The following PIP4K2A variants were observed in gnomAD, a reference collection of about 807,000 sequenced individuals.
PIP4K2A encodes the protein phosphatidylinositol-5-phosphate 4-kinase type 2 alpha, also known as phosphatidylinositol 5-phosphate 4-kinase type-2 alpha.
A neutral mutation model predicts 42.9 loss-of-function variants in PIP4K2A; 14 were observed. The ratio of observed to expected loss-of-function variants is 0.33; its 90% confidence interval spans 0.22 to 0.51. The LOEUF (loss-of-function observed/expected upper bound fraction) is 0.51. Ranked by LOEUF, PIP4K2A falls within the 20% of genes least tolerant of loss-of-function variation. The pLI is 0.97. For synonymous variants in PIP4K2A, 192 were observed against 192.2 expected, an observed-to-expected ratio of 1.00 and a Z score of 0.01; for missense variants, 434 against 519.8, an observed-to-expected ratio of 0.83 and a Z score of 1.61.
rs144999252 is a variant in PIP4K2A at position 22,611,782 on chromosome 10, G to A, written c.145-2065C>T. Among the ~76,000 whole-genome samples the A allele has an allele frequency of 2.0e-5, 3 of 152,300 alleles. No homozygotes were observed. The East Asian group carries it at 5.8e-4, about 29-fold the overall frequency. Reference sequence around the variant, plus strand: ...AATAACAGAAAAAGAAAATCATAATGGAAATCCAAGTCTTGTGATAATAAA... The same window carrying A: ...AATAACAGAAAAAGAAAATCATAATAGAAATCCAAGTCTTGTGATAATAAA... On this transcript the variant is annotated intron_variant, in intron 1 of 9. Coordinates refer to ENST00000376573, the MANE Select transcript of PIP4K2A (RefSeq NM_005028.5).
chr10:22,668,914 C>G (rs1839399042), intron 1 of PIP4K2A, among the ~76,000 whole-genome samples: 1 of 152,120 alleles, frequency 6.6e-6, no homozygotes, highest in Non-Finnish European at 1.5e-5. Flanking sequence ...GGGGATGTTT[C>G]TTCATGTTTT....
intron 1 of PIP4K2A, among the ~76,000 whole-genome samples, chr10:22,690,016 C>T (rs1839832208): frequency 6.6e-6 from 1 of 152,106 alleles, no homozygotes; most frequent in African/African-American, 2.4e-5. Flanking sequence ...AACTGCTTGT[C>T]CAAAGACATT....
At chr10:22,596,056 T>A (rs1288652176) in intron 3 of PIP4K2A, among the ~76,000 whole-genome samples, 2 of 150,998 alleles carry the variant, frequency 1.3e-5, no homozygotes, top group East Asian at 3.9e-4. Flanking sequence ...AAATACAAAA[T>A]TATGCAGGCG....
At chr10:22,554,249 C>T (rs1292315967) in intron 6 of PIP4K2A, among the ~76,000 whole-genome samples, 4 of 152,188 alleles carry the variant, frequency 2.6e-5, no homozygotes, top group Non-Finnish European at 5.9e-5. Context: ...CAATATATCT[C>T]TCTGATAATG....
intron 1 of PIP4K2A, among the ~76,000 whole-genome samples, chr10:22,680,182 A>G (rs1174362973): frequency 6.6e-6 from 1 of 152,156 alleles, no homozygotes; most frequent in Non-Finnish European, 1.5e-5. Context: ...GGATTTTTAA[A>G]TCCACTTAAA....
chr10:22,672,529 T>C (rs1434082128), intron 1 of PIP4K2A, among the ~76,000 whole-genome samples: 2 of 152,216 alleles, frequency 1.3e-5, no homozygotes, highest in East Asian at 3.8e-4. Flanking sequence ...CTTGTGAATA[T>C]ATACAGGGAT....
chr10:22,684,059 A>T (rs1839715044), intron 1 of PIP4K2A, among the ~76,000 whole-genome samples: 1 of 152,076 alleles, frequency 6.6e-6, no homozygotes, highest in Non-Finnish European at 1.5e-5. Context: ...TTGTGTGTAG[A>T]ATGTAGTCTT....
chr10:22,572,662 A>G (rs6482225), intron 5 of PIP4K2A, among the ~76,000 whole-genome samples: 1 of 152,124 alleles, frequency 6.6e-6, no homozygotes, highest in Non-Finnish European at 1.5e-5. Flanking sequence ...GGAATTCAGG[A>G]AAGTCATAGT....
intron 1 of PIP4K2A, among the ~76,000 whole-genome samples, chr10:22,639,546 A>G (rs1367611142): frequency 1.3e-5 from 2 of 152,156 alleles, no homozygotes; most frequent in Non-Finnish European, 1.5e-5. Context: ...AATATACTCA[A>G]GAATACAAAT....
chr10:22,671,448 A>G (rs1313575582), intron 1 of PIP4K2A, among the ~76,000 whole-genome samples: 1 of 152,116 alleles, frequency 6.6e-6, no homozygotes, highest in African/African-American at 2.4e-5. Flanking sequence ...GTTTCACTGA[A>G]TCCTCAGAAT....
In PIP4K2A at chr10:22,597,839, T is replaced by C. The variant is rs140583986; in HGVS notation, c.340-6058A>G. On this transcript the variant is annotated intron_variant, in intron 3 of 9. Transcript: ENST00000376573. ...CCTACCTAAGGCCTTAAAAACACCC[T>C]TTAGAGGGCTGGTTTAGTCCTCTTC... Among the ~76,000 whole-genome samples, 806 of 152,220 alleles carry C rather than the reference T, an allele frequency of 5.3e-3. 8 individuals carry two copies. Among genetic ancestry groups the C allele is most frequent in the African/African-American group, 0.018 (755 of 41,520 alleles).
intron 1 of PIP4K2A, among the ~76,000 whole-genome samples, chr10:22,671,003 G>A (rs1488913022): frequency 6.6e-6 from 1 of 152,128 alleles, no homozygotes; most frequent in Non-Finnish European, 1.5e-5. Flanking sequence ...CGGGCATCCA[G>A]TAACTACTGG....
At chr10:22,584,321 TA>T (rs11302182) in intron 4 of PIP4K2A, among the ~76,000 whole-genome samples, 96,849 of 150,356 alleles carry the variant, frequency 0.64, 31,722 homozygotes, top group East Asian at 0.94. Context: ...TTGTTGAAAT[TA>T]AAAAAAAAAA....
intron 1 of PIP4K2A, among the ~76,000 whole-genome samples, chr10:22,638,946 C>T (rs971475567): frequency 6.6e-6 from 1 of 152,126 alleles, no homozygotes; most frequent in African/African-American, 2.4e-5. Flanking sequence ...TAGCACCACC[C>T]TGAGCATGTG....
Position 22,562,082 on chromosome 10 carries a change from C to T in PIP4K2A, c.678+5769G>A, listed in dbSNP as rs150783211. 5.2e-3 allele frequency among the ~76,000 whole-genome samples: 798 copies of T among 152,122 alleles called. 9 individuals carry two copies. The highest frequency in any genetic ancestry group is 0.017 in the African/African-American group (720 of 41,488). Reference sequence around the variant, plus strand: ...ACTGTTTTGATAGCATTTTCCCCCCCGATGTCTGATCATAAAAAGGAGTAT... The same window carrying T: ...ACTGTTTTGATAGCATTTTCCCCCCTGATGTCTGATCATAAAAAGGAGTAT... On this transcript the variant is annotated intron_variant, in intron 6 of 9. Coordinates refer to ENST00000376573, the MANE Select transcript of PIP4K2A (RefSeq NM_005028.5).
At chr10:22,566,217 A>T (rs925354598) in intron 6 of PIP4K2A, among the ~76,000 whole-genome samples, 3 of 151,996 alleles carry the variant, frequency 2.0e-5, no homozygotes, top group African/African-American at 7.3e-5. Flanking sequence ...GATCCTACCA[A>T]CGTGTGATGT....
intron 3 of PIP4K2A, among the ~76,000 whole-genome samples, chr10:22,596,931 AG>A (rs1452428060): frequency 6.6e-6 from 1 of 152,188 alleles, no homozygotes; most frequent in Non-Finnish European, 1.5e-5. Flanking sequence ...GGCATTATGA[AG>A]GGACAGTCAT....
chr10:22,566,671 A>C (rs1425583185), intron 6 of PIP4K2A, among the ~76,000 whole-genome samples: 1 of 151,806 alleles, frequency 6.6e-6, no homozygotes, highest in Non-Finnish European at 1.5e-5. Context: ...AATGCACCAA[A>C]TACTCCCCAC....
At chr10:22,621,097 C>T (rs532774655) in intron 1 of PIP4K2A, among the ~76,000 whole-genome samples, 25 of 152,328 alleles carry the variant, frequency 1.6e-4, no homozygotes, top group African/African-American at 5.8e-4. Flanking sequence ...TAAAGTTAAG[C>T]ATCACCATTG....
Sources: allele counts gnomAD v4.1 joint callset (sites outside exome capture counted in the v4.1 genomes callset), GRCh38; gene constraint gnomAD v4.1.1; transcripts MANE v1.5; gene names NCBI Gene and HGNC (gene_info 2026-07-23, HGNC 2026-07-21).